The following TENM2 variants were observed in gnomAD, a reference collection of about 807,000 sequenced individuals.
The protein encoded by TENM2 is teneurin-2.
A neutral mutation model predicts 245.2 loss-of-function variants in TENM2; 52 were observed. That is an observed-to-expected ratio of 0.21 (90% CI 0.17 to 0.27). The LOEUF is 0.27. Among genes scored for constraint, TENM2 ranks in the 10% least tolerant of loss-of-function variants. The pLI, the probability that TENM2 is intolerant of heterozygous loss-of-function variation, is 1.00. For synonymous variants in TENM2, 1,363 were observed against 1,438.9 expected, an observed-to-expected ratio of 0.95 and a Z score of 1.19; for missense variants, 3,046 against 3,666.8, an observed-to-expected ratio of 0.83 and a Z score of 4.37.
At chr5:167,964,046 G>A (rs987024251) in intron 4 of TENM2, among the ~76,000 whole-genome samples, 8 of 152,178 alleles carry the variant, frequency 5.3e-5, no homozygotes, top group African/African-American at 1.9e-4. Context: ...CTTAAGTAGT[G>A]TGTTACAGAA....
At chr5:168,262,002 C>G (rs1230319969) in intron 28 of TENM2, 47 bp from the exon 31 acceptor site, 2 of 1,574,158 alleles carry the variant, frequency 1.3e-6, no homozygotes, top group Non-Finnish European at 1.7e-6. Context: ...TTTGAGAGAG[C>G]TGCCCAGCTC....
At chr5:167,409,195 T>A (rs1762783417) in intron 2 of TENM2, among the ~76,000 whole-genome samples, 1 of 151,862 alleles carries the variant, frequency 6.6e-6, no homozygotes, top group South Asian at 2.1e-4. Flanking sequence ...AATAAGAAAC[T>A]AAACCAATTA....
At chr5:167,026,611 T>G in the TENM2 span, among the ~76,000 whole-genome samples, 7 of 152,142 alleles carry the variant, frequency 4.6e-5, no homozygotes, top group Non-Finnish European at 1.0e-4. Context: ...ACCTTCTCCA[T>G]CCCTACAAAA....
At chr5:167,664,769 C>G (rs765550788) in intron 2 of TENM2, among the ~76,000 whole-genome samples, 2 of 152,086 alleles carry the variant, frequency 1.3e-5, no homozygotes, top group Non-Finnish European at 2.9e-5. Flanking sequence ...TATAGTAGTA[C>G]CAAGGGACAT....
rs932099718 is a variant in TENM2 at position 168,244,931 on chromosome 5, G to A, written c.5817+215G>A. Among the ~76,000 whole-genome samples, 1 of 151,944 alleles carries A rather than the reference G, an allele frequency of 6.6e-6. No homozygotes were observed. The highest frequency in any genetic ancestry group is 6.6e-5 in the Admixed American group (1 of 15,250). ...ACTACAGGCACATGTCACCACGCCC[G>A]GCTAATTTTGTATTTTTAGTAGAGA... On this transcript the variant is annotated intron_variant, in intron 26 of 28. Coordinates refer to ENST00000518659, the Ensembl canonical transcript of TENM2. The surrounding 1 kb of genome is among the most constrained non-coding windows in gnomAD (Gnocchi z 4.9).
intron 3 of TENM2, among the ~76,000 whole-genome samples, chr5:167,896,955 T>G (rs1012361479): frequency 6.6e-6 from 1 of 152,102 alleles, no homozygotes. Flanking sequence ...GATTAAAGAG[T>G]GCATGTGCAA....
At chr5:167,238,328 T>G in the TENM2 span, among the ~76,000 whole-genome samples, 1 of 152,164 alleles carries the variant, frequency 6.6e-6, no homozygotes, top group African/African-American at 2.4e-5. Flanking sequence ...ATACAATCAA[T>G]AGATCTCAGG....
At chr5:168,047,617 C>T in intron 6 of TENM2, 68 bp downstream of exon 8, 1 of 1,509,180 alleles carries the variant, frequency 6.6e-7, no homozygotes, top group Non-Finnish European at 8.9e-7. Context: ...CCAGCTGGTT[C>T]AGGTTTTCTA....
intron 2 of TENM2, among the ~76,000 whole-genome samples, chr5:167,379,639 T>C (rs1290494719): frequency 3.9e-5 from 6 of 152,022 alleles, no homozygotes; most frequent in African/African-American, 1.4e-4. Flanking sequence ...ACTCCTTTCT[T>C]CTCCCTAATC....
At chr5:167,517,081 T>G (rs1015837583) in intron 2 of TENM2, among the ~76,000 whole-genome samples, 1 of 152,184 alleles carries the variant, frequency 6.6e-6, no homozygotes, top group Non-Finnish European at 1.5e-5. Flanking sequence ...AACCTTACCT[T>G]GGCTAACTAG....
intron 2 of TENM2, among the ~76,000 whole-genome samples, chr5:167,405,796 A>ACACACACG: frequency 6.6e-6 from 1 of 151,748 alleles, no homozygotes. Flanking sequence ...ACACACACAC[A>ACACACACG]CACGCACACA....
chr5:167,423,384 G>T (rs2127427660), intron 2 of TENM2, among the ~76,000 whole-genome samples: 1 of 152,240 alleles, frequency 6.6e-6, no homozygotes, highest in Non-Finnish European at 1.5e-5. Flanking sequence ...TTGGTAAACT[G>T]GGTTGATTTC....
chr5:167,915,446 A>C (rs1776866090), intron 3 of TENM2, among the ~76,000 whole-genome samples: 1 of 152,036 alleles, frequency 6.6e-6, no homozygotes, highest in African/African-American at 2.4e-5. Context: ...TGTTCGCTAA[A>C]ATTTGCTCCA....
At chr5:167,744,017 C>T (rs1761386746) in intron 2 of TENM2, among the ~76,000 whole-genome samples, 1 of 152,194 alleles carries the variant, frequency 6.6e-6, no homozygotes, top group African/African-American at 2.4e-5. Context: ...AGTGGCTTGC[C>T]TGTGCTCACA....
At chr5:167,476,559 A>G (rs891487502) in intron 2 of TENM2, among the ~76,000 whole-genome samples, 6 of 152,160 alleles carry the variant, frequency 3.9e-5, no homozygotes, top group Non-Finnish European at 5.9e-5. Context: ...CTTGAATTGA[A>G]TCACTGGCAA....
At chr5:167,096,375 T>G in the TENM2 span, among the ~76,000 whole-genome samples, 1 of 152,210 alleles carries the variant, frequency 6.6e-6, no homozygotes, top group Non-Finnish European at 1.5e-5. Flanking sequence ...CTGTCTAACT[T>G]AAATTTTCTT....
intron 5 of TENM2, among the ~76,000 whole-genome samples, chr5:168,004,866 A>G (rs1397492146): frequency 6.6e-6 from 1 of 152,106 alleles, no homozygotes; most frequent in African/African-American, 2.4e-5. Context: ...ACAAAACAAT[A>G]ATAAAGTTAA....
intron 23 of TENM2, among the ~76,000 whole-genome samples, chr5:168,223,991 G>A (rs1330408980): frequency 6.6e-6 from 1 of 150,910 alleles, no homozygotes; most frequent in African/African-American, 2.4e-5. Flanking sequence ...GTGTAGATTT[G>A]TGTATGCCAA....
At chr5:167,634,777 G>C (rs1481051786) in intron 2 of TENM2, among the ~76,000 whole-genome samples, 1 of 152,062 alleles carries the variant, frequency 6.6e-6, no homozygotes, top group Non-Finnish European at 1.5e-5. Flanking sequence ...ACCCAGAGCA[G>C]TCATTCATTT....
Sources: gnomAD v4.1 joint callset for allele counts (sites outside exome capture counted in the v4.1 genomes callset) on GRCh38, gnomAD v4.1.1 for gene constraint, Gnocchi (gnomAD v3.1) non-coding constraint, MANE v1.5 for transcripts, NCBI Gene and HGNC (gene_info 2026-07-23, HGNC 2026-07-21) for gene names.